BST1: variants seen among roughly 807,000 people sequenced by gnomAD.
The protein encoded by BST1 is ADP-ribosyl cyclase/cyclic ADP-ribose hydrolase 2.
In BST1, 49 loss-of-function variants were observed where a neutral mutation model predicts 40.6. The ratio of observed to expected loss-of-function variants is 1.21; its 90% CI spans 0.96 to 1.53. BST1 has a LOEUF of 1.53. Ranked by LOEUF, BST1 falls within the 40% of genes most tolerant of loss-of-function variation. The probability of loss-of-function intolerance (pLI) is 0.00; values close to 1 mark genes in which losing one functional copy is unlikely to be tolerated. For missense variants in BST1, 423 were observed against 395.9 expected, an observed-to-expected ratio of 1.07 and a Z score of -0.58; for synonymous variants, 157 against 159.3, an observed-to-expected ratio of 0.99 and a Z score of 0.11.
Position 15,731,776 on chromosome 4 carries a change from T to A in BST1, c.888T>A (p.Leu296=). Residue 296 remains leucine, a synonymous_variant, in exon 9 of 9, where the codon CTT becomes CTA. Coordinates refer to ENST00000265016, the MANE Select transcript of BST1 (RefSeq NM_004334.3). The part of the protein sequence containing the change: ...AAATQRKAPS[L]YTEQRAGLII... ...CTACTCAAAGAAAAGCCCCAAGTCT[T>A]TATACAGAACAAAGGGCGGGTCTTA... The A allele has an allele frequency of 1.2e-6, 2 of 1,613,734 alleles. No homozygotes were observed. The highest frequency in any genetic ancestry group is 1.7e-6 in the Non-Finnish European group (2 of 1,179,860).
the BST1 span, among the ~76,000 whole-genome samples, chr4:15,768,479 T>C: frequency 7.0e-6 from 1 of 142,348 alleles, no homozygotes; most frequent in Non-Finnish European, 1.5e-5. Context: ...ATGGACAGTA[T>C]CTTTTTTTTT....
chr4:15,703,332 G>A lies in BST1; in HGVS notation c.188G>A (p.Arg63Gln), dbSNP rs907000530. The change falls in exon 1 of 9, where the codon CGG becomes CAG. Residue 63 changes from arginine (R) to glutamine (Q), a missense_variant and splice_region_variant. Transcript: ENST00000265016. ...CGCGCACTGCTGAGTCCCGAGCAGC[G>A]GTGAGGCAGTCGGCCGGGTGGAAGG... ...EYRALLSPEQ[R>Q]NKNCTAIWEA... 2 of 1,497,132 alleles carry A rather than the reference G, an allele frequency of 1.3e-6. No individual in the cohort carries two copies. Among genetic ancestry groups the A allele is most frequent in the African/African-American group, 1.4e-5 (1 of 69,330 alleles). The allele number at this position is 1,497,132 out of a possible 1,614,324, so 92.7% of individuals were successfully genotyped here.
the BST1 span, among the ~76,000 whole-genome samples, chr4:15,761,744 A>C: frequency 6.6e-6 from 1 of 151,906 alleles, no homozygotes. Context: ...CAGAACAGAC[A>C]CCTTGTCCAG....
the BST1 span, among the ~76,000 whole-genome samples, chr4:15,761,894 T>C: frequency 6.6e-6 from 1 of 151,940 alleles, no homozygotes; most frequent in Non-Finnish European, 1.5e-5. Context: ...TCTTTTTTTG[T>C]AGATGGTTTT....
At chr4:15,757,317 T>G in the BST1 span, among the ~76,000 whole-genome samples, 1 of 152,310 alleles carries the variant, frequency 6.6e-6, no homozygotes, top group East Asian at 1.9e-4. Flanking sequence ...TGTGTGCTGA[T>G]TTAATTCACA....
At chr4:15,715,443 T>G in intron 5 of BST1, 82 bp downstream of exon 5, 1 of 1,414,198 alleles carries the variant, frequency 7.1e-7, no homozygotes, top group Non-Finnish European at 9.8e-7. Flanking sequence ...TAAAGAAAAT[T>G]ATCCTAGTCC....
chr4:15,755,292 C>A, the BST1 span, among the ~76,000 whole-genome samples: 52 of 152,252 alleles, frequency 3.4e-4, no homozygotes, highest in East Asian at 5.4e-3. Context: ...GTGTGCACCA[C>A]CACGCCTGGC....
chr4:15,720,493 T>C (rs957473498), intron 7 of BST1, among the ~76,000 whole-genome samples: 4 of 151,504 alleles, frequency 2.6e-5, no homozygotes, highest in Non-Finnish European at 5.9e-5. Context: ...GACTGGTGCC[T>C]GTAATCCCAG....
At chr4:15,737,920 C>A in exon 7 of BST1, 1 of 723,274 alleles carries the variant, frequency 1.4e-6, no homozygotes, top group South Asian at 1.5e-5. Flanking sequence ...TGCATGCCTG[C>A]CTAGTCCAGC....
At chr4:15,738,875 A>G (rs1721663665), downstream of BST1, among the ~76,000 whole-genome samples, 1 of 152,230 alleles carries the variant, frequency 6.6e-6, no homozygotes. Flanking sequence ...TTGAGAAGTA[A>G]TCCCAGTTCC....
chr4:15,758,435 T>C, the BST1 span, among the ~76,000 whole-genome samples: 5 of 152,232 alleles, frequency 3.3e-5, no homozygotes, highest in South Asian at 4.1e-4. Context: ...CTTAGGACAA[T>C]GGCCTCCATT....
chr4:15,703,152 C>G lies in BST1; in HGVS notation c.8C>G (p.Ala3Gly), dbSNP rs760383985. Residue 3 changes from alanine (A) to glycine (G), a missense_variant, in exon 1 of 9, where the codon GCC becomes GGC. By Grantham distance (60) the Ala-to-Gly change is moderately conservative. Coordinates refer to ENST00000265016, the MANE Select transcript of BST1 (RefSeq NM_004334.3). Reference protein sequence around the residue: MAAQGCAASRLLQ... With the variant: MAGQGCAASRLLQ... Reference sequence around the variant, plus strand: ...AGGGACCAAAGTTCCCCGATGGCGGCCCAGGGGTGCGCGGCATCGCGGCTG... The same window carrying G: ...AGGGACCAAAGTTCCCCGATGGCGGGCCAGGGGTGCGCGGCATCGCGGCTG... The G allele has an allele frequency of 1.3e-6, 2 of 1,578,230 alleles. No homozygotes were observed. The highest frequency in any genetic ancestry group is 1.7e-6 in the Non-Finnish European group (2 of 1,164,018).
At chr4:15,725,263 A>G (rs918181498) in intron 8 of BST1, among the ~76,000 whole-genome samples, 2 of 152,192 alleles carry the variant, frequency 1.3e-5, no homozygotes, top group Non-Finnish European at 2.9e-5. Context: ...GAGTCTGAGA[A>G]CTGTCAAAAT....
At chr4:15,718,789 T>C in intron 6 of BST1, 118 bp from the exon 7 acceptor site, 1 of 810,028 alleles carries the variant, frequency 1.2e-6, no homozygotes, top group East Asian at 3.0e-5. Flanking sequence ...CCAGTTTTCT[T>C]TCTGAGAGTA....
chr4:15,747,358 C>G, the BST1 span, among the ~76,000 whole-genome samples: 1 of 151,982 alleles, frequency 6.6e-6, no homozygotes, highest in African/African-American at 2.4e-5. Flanking sequence ...GTAGTCATGG[C>G]TGCCTTGCTG....
At chr4:15,738,148 G>T in exon 7 of BST1, 1 of 216,050 alleles carries the variant, frequency 4.6e-6, no homozygotes, top group South Asian at 7.0e-5. Flanking sequence ...CGGTTCATTA[G>T]TTGTGACAAA....
intron 8 of BST1, among the ~76,000 whole-genome samples, chr4:15,724,796 A>G (rs772471950): frequency 1.3e-5 from 2 of 152,186 alleles, no homozygotes; most frequent in African/African-American, 2.4e-5. Flanking sequence ...TCATTTAGTA[A>G]TAGAACCCTT....
At chr4:15,703,928 A>ATTCTAGAGGTGAGGGGTGTGTGTG (rs1560275103) in intron 1 of BST1, among the ~76,000 whole-genome samples, 4 of 85,642 alleles carry the variant, frequency 4.7e-5, no homozygotes, top group Non-Finnish European at 6.9e-5. Flanking sequence ...GGGTGTGTGT[A>ATTCTAGAGGTGAGGGGTGTGTGTG]TTCTAGAGGT....
At chr4:15,718,322 C>G (rs1720623355) in intron 6 of BST1, among the ~76,000 whole-genome samples, 1 of 152,020 alleles carries the variant, frequency 6.6e-6, no homozygotes, top group Non-Finnish European at 1.5e-5. Context: ...CTACAAAACA[C>G]ATTGGATAGC....
Sources: gnomAD v4.1 joint callset for allele counts (sites outside exome capture counted in the v4.1 genomes callset) on GRCh38, gnomAD v4.1.1 for gene constraint, MANE v1.5 for transcripts, NCBI Gene and HGNC (gene_info 2026-07-23, HGNC 2026-07-21) for gene names.